The following VWA8 variants were observed in gnomAD, a reference collection of about 807,000 sequenced individuals.
The protein encoded by VWA8 is von Willebrand factor A domain-containing protein 8.
In VWA8, 221 loss-of-function variants were observed where a neutral mutation model predicts 241.5. That is an observed-to-expected ratio of 0.91 (90% confidence interval 0.82 to 1.02). The LOEUF (loss-of-function observed/expected upper bound fraction) is 1.02. Ranked by LOEUF, VWA8 falls within the 50% of genes least tolerant of loss-of-function variation. The pLI, the probability that VWA8 is intolerant of heterozygous loss-of-function variation, is 0.00. For synonymous variants in VWA8, 852 were observed against 827.1 expected (o/e 1.03, Z -0.52); for missense variants, 2,322 against 2,328.7 (o/e 1.00, Z 0.06).
At position 41,762,846 on chromosome 13, in the gene VWA8, G is replaced by A. The variant is rs74724783; in HGVS notation, c.2350-1642C>T. Among the ~76,000 whole-genome samples, 213 of 152,170 alleles carry A rather than the reference G, an allele frequency of 1.4e-3. 2 individuals are homozygous for A. In the East Asian group the frequency reaches 0.022, roughly 16 times the overall value. ...AGCTCAGCACAGTGCCTGAGAGTGC[G>A]TTCAATAAATATTTGTCAAGTGAAT... On this transcript the variant is annotated intron_variant, in intron 20 of 44. Transcript: ENST00000379310.
chr13:41,872,773 T>C lies in VWA8; in HGVS notation c.1081-4296A>G, dbSNP rs559948869. ...CCAGCTTTGTTCTTTTGGCTTAGGATTGACTTGGCAATGTGGGCCCTTTTT... is the reference window on the plus strand; with the variant it reads ...CCAGCTTTGTTCTTTTGGCTTAGGACTGACTTGGCAATGTGGGCCCTTTTT... On this transcript the variant is annotated intron_variant, in intron 9 of 44. Transcript: ENST00000379310. Among the ~76,000 whole-genome samples the C allele has an allele frequency of 4.1e-3, 625 of 152,318 alleles. 7 individuals carry two copies. Among genetic ancestry groups the C allele is most frequent in the Non-Finnish European group, 4.5e-3 (307 of 68,034 alleles).
At chr13:41,953,649 T>C (rs1878230385) in intron 1 of VWA8, among the ~76,000 whole-genome samples, 1 of 151,990 alleles carries the variant, frequency 6.6e-6, no homozygotes, top group African/African-American at 2.4e-5. Context: ...CTACTAAAAA[T>C]ACAAAATTAG....
intron 16 of VWA8, among the ~76,000 whole-genome samples, chr13:41,813,966 T>C (rs981282269): frequency 1.3e-5 from 2 of 151,980 alleles, no homozygotes; most frequent in Admixed American, 1.3e-4. Flanking sequence ...CTCGAAGGGG[T>C]TGTTCATATT....
intron 12 of VWA8, among the ~76,000 whole-genome samples, 154 bp from the exon 13 acceptor site, chr13:41,833,685 A>C (rs909274488): frequency 6.6e-6 from 1 of 152,154 alleles, no homozygotes; most frequent in African/African-American, 2.4e-5. Context: ...CTAAAACGAA[A>C]GCTCTTCAGA....
At chr13:41,612,121 A>G (rs573513965) in intron 38 of VWA8, among the ~76,000 whole-genome samples, 1 of 152,368 alleles carries the variant, frequency 6.6e-6, no homozygotes, top group South Asian at 2.1e-4. Flanking sequence ...TATCATAGAT[A>G]CTTAGTATAT....
In VWA8 at chr13:41,710,009, T is replaced by C. The variant is rs538629733; in HGVS notation, c.3117-6598A>G. 7.2e-5 allele frequency among the ~76,000 whole-genome samples: 11 copies of C among 152,246 alleles called. No individual in the cohort carries two copies. In the South Asian group the frequency reaches 2.3e-3, roughly 32 times the overall value. ...TTGTGATCGCTTCAAAGGCAGATAA[T>C]GAGTCTTCGTCACCTTTATAATTCA... On this transcript the variant is annotated intron_variant, in intron 26 of 44. Transcript: ENST00000379310.
At chr13:41,660,152 A>G (rs957587813) in intron 37 of VWA8, among the ~76,000 whole-genome samples, 1 of 151,624 alleles carries the variant, frequency 6.6e-6, no homozygotes, top group Non-Finnish European at 1.5e-5. Flanking sequence ...GTCTCACTCT[A>G]TCACCCAGGC....
Position 41,811,386 on chromosome 13 carries a change from G to A in VWA8, c.1948-46C>T, listed in dbSNP as rs543811201. 18 of 1,509,690 alleles carry A rather than the reference G, an allele frequency of 1.2e-5. No homozygotes were observed. In the South Asian group the frequency reaches 2.0e-4, roughly 17 times the overall value. 93.5% of individuals were successfully genotyped at this position (1,509,690 alleles called of 1,614,324 possible). A position where few individuals can be genotyped will look rare whatever the true frequency, so the allele number is the denominator to read the frequency against. The stretch of plus-strand genomic sequence containing the variant: ...TGTGTTAAGAGTCTTGTTTCAACTT[G>A]CTAAAGTCCCTTTAGATGGATATCA... On this transcript the variant is annotated intron_variant, in intron 16 of 44. Transcript: ENST00000379310.
chr13:41,829,643 A>G (rs1871342548), intron 14 of VWA8, among the ~76,000 whole-genome samples: 1 of 152,124 alleles, frequency 6.6e-6, no homozygotes, highest in South Asian at 2.1e-4. Flanking sequence ...AGCAACTTGG[A>G]TGGAGCTGGA....
At chr13:41,942,074 A>C (rs777037002) in intron 2 of VWA8, among the ~76,000 whole-genome samples, 4 of 152,152 alleles carry the variant, frequency 2.6e-5, no homozygotes, top group Non-Finnish European at 5.9e-5. Context: ...TTTTCCCCCC[A>C]ATTATCATGT....
At position 41,676,748 on chromosome 13, in the gene VWA8, T is replaced by C. The variant is rs553123000; in HGVS notation, c.4328-1452A>G. ...CCTCTGTTCAAGTGGTTCTCGTGCC[T>C]CAGCCTCCCAAGTAGCTGGGATTAT... On this transcript the variant is annotated intron_variant, in intron 35 of 44. Transcript: ENST00000379310. Among the ~76,000 whole-genome samples the C allele has an allele frequency of 2.9e-3, 447 of 152,276 alleles. 2 individuals carry two copies. The highest frequency in any genetic ancestry group is 0.01 in the African/African-American group (420 of 41,564).
chr13:41,615,518 T>A (rs1247078113), intron 37 of VWA8, among the ~76,000 whole-genome samples: 1 of 152,150 alleles, frequency 6.6e-6, no homozygotes, highest in Admixed American at 6.5e-5. Flanking sequence ...TTCAAAGAAA[T>A]CCCATTACTC....
chr13:41,811,710 C>T (rs1413667700), intron 16 of VWA8, among the ~76,000 whole-genome samples: 3 of 152,100 alleles, frequency 2.0e-5, no homozygotes, highest in Admixed American at 1.3e-4. Flanking sequence ...TAAGATACCA[C>T]GGAAATGTTT....
At chr13:41,622,558 G>A (rs2044664312) in intron 37 of VWA8, among the ~76,000 whole-genome samples, 1 of 152,118 alleles carries the variant, frequency 6.6e-6, no homozygotes, top group Admixed American at 6.5e-5. Flanking sequence ...CCGATGCTGA[G>A]CCCCTTGATG....
At chr13:41,873,718 G>T (rs1284508887) in intron 9 of VWA8, among the ~76,000 whole-genome samples, 1 of 152,134 alleles carries the variant, frequency 6.6e-6, no homozygotes, top group East Asian at 1.9e-4. Flanking sequence ...AAAGAGTCCA[G>T]GACCAGATGG....
rs575649017 is a variant in VWA8 at position 41,834,164 on chromosome 13, C to G, written c.1426-633G>C. Among the ~76,000 whole-genome samples the G allele has an allele frequency of 2.0e-5, 3 of 152,290 alleles. No individual in the cohort carries two copies. The East Asian group carries it at 5.8e-4, about 29-fold the overall frequency. On this transcript the variant is annotated intron_variant, in intron 12 of 44. Coordinates refer to ENST00000379310, the MANE Select transcript of VWA8 (RefSeq NM_015058.2). ...AAAGCAATTTTTAAAAGCACACACA[C>G]AATGTGCTAACAATAAAATAGTGTA... is the stretch of plus-strand genomic sequence containing the variant.
At chr13:41,602,570 C>A (rs1194638781) in intron 40 of VWA8, among the ~76,000 whole-genome samples, 1 of 152,086 alleles carries the variant, frequency 6.6e-6, no homozygotes, top group Non-Finnish European at 1.5e-5. Flanking sequence ...TTAAATAGCA[C>A]AATGAATGTA....
intron 2 of VWA8, among the ~76,000 whole-genome samples, chr13:41,933,079 T>G (rs927609724): frequency 6.6e-6 from 1 of 151,972 alleles, no homozygotes; most frequent in African/African-American, 2.4e-5. Flanking sequence ...ATTGTTTATA[T>G]AGAAAATGTG....
At chr13:41,582,428 A>G (rs1043633155) in intron 42 of VWA8, among the ~76,000 whole-genome samples, 3 of 152,158 alleles carry the variant, frequency 2.0e-5, no homozygotes, top group Non-Finnish European at 2.9e-5. Flanking sequence ...TGAAGGTTTC[A>G]AAGCAAATAC....
Sources: allele counts gnomAD v4.1 joint callset (sites outside exome capture counted in the v4.1 genomes callset), GRCh38; gene constraint gnomAD v4.1.1; transcripts MANE v1.5; gene names NCBI Gene and HGNC (gene_info 2026-07-23, HGNC 2026-07-21).